The following PPP1R14C variants were observed in gnomAD, a reference collection of about 807,000 sequenced individuals.
The protein encoded by PPP1R14C is protein phosphatase 1 regulatory subunit 14C.
In PPP1R14C, 16 loss-of-function variants were observed where a neutral mutation model predicts 20.4. The observed-to-expected ratio is 0.78, with a 90% CI of 0.53 to 1.19. The LOEUF is 1.19. Ranked by LOEUF, PPP1R14C falls within the 50% of genes most tolerant of loss-of-function variation. The pLI, the probability that PPP1R14C is intolerant of heterozygous loss-of-function variation, is 0.00. For missense variants in PPP1R14C, 211 were observed against 220.1 expected (o/e 0.96, Z 0.26); for synonymous variants, 91 against 91.0 (o/e 1.00, Z 0.00).
rs181722949 is a variant in PPP1R14C at position 150,227,276 on chromosome 6, G to A, written c.423+10420G>A. On this transcript the variant is annotated intron_variant, in intron 3 of 3. Coordinates refer to ENST00000361131, the MANE Select transcript of PPP1R14C (RefSeq NM_030949.3). ...TTCATTTGCTCAACAAATGTGTATCGAATATCTGTGTGCCTGTAACTAATC... is the reference window on the plus strand; with the variant it reads ...TTCATTTGCTCAACAAATGTGTATCAAATATCTGTGTGCCTGTAACTAATC... 2.2e-3 allele frequency among the ~76,000 whole-genome samples: 336 copies of A among 152,196 alleles called. 1 individual carries two copies. Among genetic ancestry groups the A allele is most frequent in the Non-Finnish European group, 2.8e-3 (190 of 68,006 alleles).
chr6:150,179,200 G>A (rs999651893), intron 1 of PPP1R14C, among the ~76,000 whole-genome samples: 1 of 152,090 alleles, frequency 6.6e-6, no homozygotes, highest in African/African-American at 2.4e-5. Context: ...GAGCCCAGGA[G>A]TTCAGTACCA....
At chr6:150,194,572 G>A (rs1020818979) in intron 1 of PPP1R14C, 2 of 977,434 alleles carry the variant, frequency 2.0e-6, no homozygotes, top group African/African-American at 1.8e-5. Flanking sequence ...CCAGTAGGAT[G>A]CAAAAATGAT....
chr6:150,197,716 C>T (rs1322242921), intron 1 of PPP1R14C, among the ~76,000 whole-genome samples: 2 of 152,084 alleles, frequency 1.3e-5, no homozygotes, highest in African/African-American at 4.8e-5. Context: ...TTTGTGTGCC[C>T]CTGGCCGCCA....
chr6:150,153,824 C>T (rs567451440), intron 1 of PPP1R14C, among the ~76,000 whole-genome samples: 8 of 152,234 alleles, frequency 5.3e-5, no homozygotes, highest in South Asian at 4.1e-4. Context: ...AAAGAATCCA[C>T]GGGGAAATCT....
chr6:150,173,862 C>T (rs978465199), intron 1 of PPP1R14C, among the ~76,000 whole-genome samples: 2 of 152,170 alleles, frequency 1.3e-5, no homozygotes, highest in South Asian at 2.1e-4. Flanking sequence ...AGGATAGCCT[C>T]GTGAGTTCTG....
intron 1 of PPP1R14C, among the ~76,000 whole-genome samples, chr6:150,176,911 C>T (rs1024151605): frequency 2.0e-5 from 3 of 152,160 alleles, no homozygotes; most frequent in East Asian, 3.9e-4. Flanking sequence ...GGAGAGATCA[C>T]GAGGAAGGGC....
rs1192176656 is a variant in PPP1R14C at position 150,185,756 on chromosome 6, G to T, written c.307-28988G>T. On this transcript the variant is annotated intron_variant, in intron 1 of 3. Coordinates refer to ENST00000361131, the MANE Select transcript of PPP1R14C (RefSeq NM_030949.3). The surrounding 1 kb of genome is among the most constrained non-coding windows in gnomAD (Gnocchi z 4.1). The stretch of plus-strand genomic sequence containing the variant: ...CCAAACTTTCAGTGGCTTAAACCGA[G>T]CAAGTCATATTCTCACTCGTGCTGT... Among the ~76,000 whole-genome samples the T allele has an allele frequency of 1.3e-5, 2 of 152,102 alleles. No individual in the cohort carries two copies. Among genetic ancestry groups the T allele is most frequent in the East Asian group, 3.9e-4 (2 of 5,186 alleles).
Position 150,143,303 on chromosome 6 carries a change from C to T in PPP1R14C, c.111C>T (p.Ser37=). Residue 37 remains serine, a synonymous_variant, in exon 1 of 4, where the codon AGC becomes AGT. Transcript: ENST00000361131. The surrounding 1 kb of genome is among the most constrained non-coding windows in gnomAD (Gnocchi z 5.6). ...RGGAGGSPGS[S]SGSGSSREDS... The stretch of plus-strand genomic sequence containing the variant: ...GCGCCGGTGGCAGCCCCGGCTCCAG[C>T]AGCGGCTCAGGCTCCTCCCGGGAGG... The T allele has an allele frequency of 6.4e-7, 1 of 1,569,760 alleles. No individual in the cohort carries two copies. The highest frequency in any genetic ancestry group is 1.2e-5 in the South Asian group (1 of 86,904).
intron 3 of PPP1R14C, among the ~76,000 whole-genome samples, chr6:150,236,133 A>G (rs1778357033): frequency 6.6e-6 from 1 of 152,120 alleles, no homozygotes; most frequent in South Asian, 2.1e-4. Context: ...TACGGTTTGA[A>G]TCTTGGTCTG....
chr6:150,240,441 G>A (rs1281581522), intron 3 of PPP1R14C, among the ~76,000 whole-genome samples: 5 of 152,226 alleles, frequency 3.3e-5, no homozygotes, highest in African/African-American at 4.8e-5. Context: ...GGAGCAAGTG[G>A]CTCAAGAGTG....
intron 3 of PPP1R14C, among the ~76,000 whole-genome samples, chr6:150,243,816 T>C (rs1253048755): frequency 6.6e-6 from 1 of 152,234 alleles, no homozygotes; most frequent in Non-Finnish European, 1.5e-5. Flanking sequence ...TACATCTTTA[T>C]GATGGATGCT....
chr6:150,156,961 G>T (rs554910981), intron 1 of PPP1R14C, among the ~76,000 whole-genome samples: 1 of 152,328 alleles, frequency 6.6e-6, no homozygotes. Context: ...AGACTCCAAA[G>T]CATTTAGCTG....
chr6:150,195,741 A>T (rs970140709), intron 1 of PPP1R14C: 4 of 581,372 alleles, frequency 6.9e-6, no homozygotes, highest in Non-Finnish European at 8.7e-6. Context: ...TACATTTACT[A>T]TTTTTTTTTG....
chr6:150,222,475 G>A (rs921963341), intron 3 of PPP1R14C, among the ~76,000 whole-genome samples: 1 of 152,104 alleles, frequency 6.6e-6, no homozygotes, highest in African/African-American at 2.4e-5. Flanking sequence ...GAAGTCCACG[G>A]TTAACATTAG....
At chr6:150,196,636 G>A (rs911504489) in intron 1 of PPP1R14C, among the ~76,000 whole-genome samples, 1 of 152,100 alleles carries the variant, frequency 6.6e-6, no homozygotes, top group Non-Finnish European at 1.5e-5. Context: ...ATTAGTATTT[G>A]CCACCGTTTT....
At chr6:150,228,768 A>C (rs1201957846) in intron 3 of PPP1R14C, among the ~76,000 whole-genome samples, 2 of 152,056 alleles carry the variant, frequency 1.3e-5, no homozygotes, top group Non-Finnish European at 2.9e-5. Context: ...GGGCAGGTTA[A>C]ATTTTTCACT....
chr6:150,232,131 A>G (rs974646265), intron 3 of PPP1R14C, among the ~76,000 whole-genome samples: 2 of 152,096 alleles, frequency 1.3e-5, no homozygotes, highest in African/African-American at 2.4e-5. Flanking sequence ...AACTGATGCT[A>G]TTTCATTGTT....
intron 3 of PPP1R14C, among the ~76,000 whole-genome samples, chr6:150,244,161 A>C (rs939387394): frequency 1.7e-5 from 2 of 115,586 alleles, no homozygotes; most frequent in African/African-American, 9.2e-5. Context: ...TGCCTTAATA[A>C]AGCTGCTAAA....
intron 1 of PPP1R14C, among the ~76,000 whole-genome samples, chr6:150,198,254 ACGG>A: frequency 7.7e-6 from 1 of 130,544 alleles, no homozygotes; most frequent in African/African-American, 3.1e-5. Context: ...CCTGCCTGCC[ACGG>A]TGGAGGAGGG....
Sources: gnomAD v4.1 joint callset for allele counts (sites outside exome capture counted in the v4.1 genomes callset) on GRCh38, gnomAD v4.1.1 for gene constraint, Gnocchi (gnomAD v3.1) non-coding constraint, MANE v1.5 for transcripts, NCBI Gene and HGNC (gene_info 2026-07-23, HGNC 2026-07-21) for gene names.